The following LOC128706666 variants were observed in gnomAD, a reference collection of about 807,000 sequenced individuals.
At chr20:10,417,649 T>A in the LOC128706666 span, among the ~76,000 whole-genome samples, 1 of 142,192 alleles carries the variant, frequency 7.0e-6, no homozygotes, top group Admixed American at 7.4e-5. Context: ...ATGCTACTGC[T>A]ACTGCACTGT....
the LOC128706666 span, among the ~76,000 whole-genome samples, chr20:10,427,263 A>G: frequency 2.0e-5 from 3 of 152,142 alleles, no homozygotes; most frequent in Non-Finnish European, 4.4e-5. Flanking sequence ...AAATGTTCTC[A>G]TTTTGCCTAT....
At chr20:10,430,414 C>CT in the LOC128706666 span, among the ~76,000 whole-genome samples, 1 of 114,334 alleles carries the variant, frequency 8.7e-6, no homozygotes, top group African/African-American at 2.8e-5. Flanking sequence ...TATCACAATA[C>CT]TTGGCACTTT....
At chr20:10,433,233 T>TG in the LOC128706666 span, among the ~76,000 whole-genome samples, 1 of 152,214 alleles carries the variant, frequency 6.6e-6, no homozygotes, top group South Asian at 2.1e-4. Flanking sequence ...CCCAAACTCC[T>TG]GACTCAAGTG....
At chr20:10,431,834 G>A in the LOC128706666 span, 1 of 152,178 alleles carries the variant, frequency 6.6e-6, no homozygotes, top group Admixed American at 6.5e-5. Flanking sequence ...GTCCACAGAG[G>A]ATGGCTTATT....
chr20:10,428,096 G>A, the LOC128706666 span, among the ~76,000 whole-genome samples: 1 of 152,234 alleles, frequency 6.6e-6, no homozygotes, highest in Non-Finnish European at 1.5e-5. Context: ...TTCACTAATT[G>A]TAGGCAGTCT....
At chr20:10,424,945 C>A in the LOC128706666 span, among the ~76,000 whole-genome samples, 2 of 151,430 alleles carry the variant, frequency 1.3e-5, no homozygotes, top group African/African-American at 4.9e-5. Context: ...CCCAGCTACT[C>A]GGGAGGCTGA....
At chr20:10,414,943 C>T in the LOC128706666 span, among the ~76,000 whole-genome samples, 6 of 152,142 alleles carry the variant, frequency 3.9e-5, no homozygotes, top group African/African-American at 1.4e-4. Flanking sequence ...AATGACAGTA[C>T]ATGCAAAAAC....
chr20:10,424,721 CT>C, the LOC128706666 span, among the ~76,000 whole-genome samples: 1 of 152,094 alleles, frequency 6.6e-6, no homozygotes, highest in Non-Finnish European at 1.5e-5. Flanking sequence ...AAATTTAGCA[CT>C]TTTTTTCTTC....
At chr20:10,428,052 T>C in the LOC128706666 span, among the ~76,000 whole-genome samples, 1 of 152,214 alleles carries the variant, frequency 6.6e-6, no homozygotes, top group African/African-American at 2.4e-5. Flanking sequence ...AAATAAAAAA[T>C]ATACTGAAAG....
the LOC128706666 span, among the ~76,000 whole-genome samples, chr20:10,415,553 T>A: frequency 1.3e-5 from 2 of 152,182 alleles, no homozygotes; most frequent in South Asian, 4.1e-4. Context: ...GAAAGAAAAA[T>A]CTGTTTATTG....
chr20:10,432,522 G>A, the LOC128706666 span, among the ~76,000 whole-genome samples: 10 of 152,130 alleles, frequency 6.6e-5, no homozygotes, highest in South Asian at 1.7e-3. Context: ...GCCAGACGCC[G>A]TGGGTCATGC....
the LOC128706666 span, among the ~76,000 whole-genome samples, chr20:10,428,352 G>A: frequency 6.6e-6 from 1 of 152,184 alleles, no homozygotes; most frequent in East Asian, 1.9e-4. Flanking sequence ...TAGTGCTACA[G>A]CAAACACTTT....
At chr20:10,430,038 C>CAA in the LOC128706666 span, among the ~76,000 whole-genome samples, 7 of 152,004 alleles carry the variant, frequency 4.6e-5, no homozygotes, top group East Asian at 1.9e-4. Context: ...AAACAAAAAA[C>CAA]AAAAAAACAA....
the LOC128706666 span, among the ~76,000 whole-genome samples, chr20:10,423,720 T>C: frequency 1.3e-5 from 2 of 152,206 alleles, no homozygotes; most frequent in Non-Finnish European, 2.9e-5. Context: ...TTTATGTATA[T>C]TGTGCTTAAC....
chr20:10,416,396 C>T, the LOC128706666 span, among the ~76,000 whole-genome samples: 6 of 152,050 alleles, frequency 3.9e-5, no homozygotes, highest in Non-Finnish European at 5.9e-5. Context: ...TTAAAGACTA[C>T]GTGGGTCATA....
At chr20:10,424,895 T>C in the LOC128706666 span, among the ~76,000 whole-genome samples, 23 of 151,736 alleles carry the variant, frequency 1.5e-4, no homozygotes, top group Admixed American at 4.6e-4. Context: ...CTACTAAAAA[T>C]ACAAAAAATT....
the LOC128706666 span, among the ~76,000 whole-genome samples, chr20:10,424,842 A>G: frequency 2.6e-5 from 4 of 152,096 alleles, no homozygotes; most frequent in Non-Finnish European, 5.9e-5. Context: ...ACCTGAGGTC[A>G]GGAGTTTGAG....
At chr20:10,418,208 A>C in the LOC128706666 span, among the ~76,000 whole-genome samples, 1 of 152,254 alleles carries the variant, frequency 6.6e-6, no homozygotes, top group Non-Finnish European at 1.5e-5. Flanking sequence ...AAAATATTCT[A>C]GCAGTTCAAA....
chr20:10,419,162 A>G, the LOC128706666 span, among the ~76,000 whole-genome samples: 1 of 152,170 alleles, frequency 6.6e-6, no homozygotes, highest in Non-Finnish European at 1.5e-5. Flanking sequence ...TTCCATAAAG[A>G]GCAGAACCTT....
Sources: gnomAD v4.1 joint callset for allele counts (sites outside exome capture counted in the v4.1 genomes callset) on GRCh38, gnomAD v4.1.1 for gene constraint, MANE v1.5 for transcripts.